TUBB4A: variants seen among roughly 807,000 people sequenced by gnomAD.
TUBB4A encodes tubulin beta-4A chain.
Under a neutral mutation model 35.1 loss-of-function variants are expected in TUBB4A, and 13 were observed. The ratio of observed to expected loss-of-function variants is 0.37; its 90% CI spans 0.24 to 0.59. The LOEUF is 0.59. TUBB4A is among the 20% of genes least tolerant of loss of function. The probability of loss-of-function intolerance (pLI) is 0.71; values close to 1 mark genes in which losing one functional copy is unlikely to be tolerated. For synonymous variants in TUBB4A, 279 were observed against 272.4 expected (o/e 1.02, Z -0.24); for missense variants, 299 against 647.2 (o/e 0.46, Z 5.84).
chr19:6,494,914 G>T lies in TUBB4A; in HGVS notation c.*250C>A. 1.7e-6 allele frequency: 1 copy of T among 586,974 alleles called. No individual in the cohort carries two copies. Among genetic ancestry groups the T allele is most frequent in the Non-Finnish European group, 3.0e-6 (1 of 331,496 alleles). 36.4% of individuals were successfully genotyped at this position (586,974 alleles called of 1,614,324 possible). A position where few individuals can be genotyped will look rare whatever the true frequency, so the allele number is the denominator to read the frequency against. On this transcript the variant is annotated 3_prime_UTR_variant, in exon 4 of 4. Transcript: ENST00000264071. ...TGCGGTTTCCAGAGTCAGAAGGGGT[G>T]AAGCGGGGCTCCTCCTGGGAATGTC...
At chr19:6,497,045 ATATATATATATATATATAT>A (rs1358913758) in intron 3 of TUBB4A, among the ~76,000 whole-genome samples, 20 of 68,282 alleles carry the variant, frequency 2.9e-4, no homozygotes, top group Non-Finnish European at 4.8e-4. Context: ...ATATATATAT[ATATATATATATATATATAT>A]AAATTAGCCA....
rs745756691 is a variant in TUBB4A, at chr19:6,495,286, C to G, written c.1213G>C (p.Glu405Gln). The G allele has an allele frequency of 6.2e-7, 1 of 1,613,802 alleles. No homozygotes were observed. Among genetic ancestry groups the G allele is most frequent in the Non-Finnish European group, 8.5e-7 (1 of 1,179,884 alleles). The change falls in exon 4 of 4, where the codon GAG becomes CAG. Residue 405 changes from glutamate (E) to glutamine (Q), a missense_variant. Around this residue, in one of 5 missense-constraint regions of TUBB4A, gnomAD observed 125 missense variants for 279.1 expected, o/e 0.45. Transcript: ENST00000264071. This position sits in a 1 kb window ranked among gnomAD's most constrained non-coding sequence, Gnocchi z 8.7. ...LHWYTGEGMDEMEFTEAESNM... is the reference protein window; with the variant it reads ...LHWYTGEGMDQMEFTEAESNM... ...CTCTCGGCCTCGGTGAACTCCATCT[C>G]GTCCATGCCCTCGCCCGTGTACCAG...
intron 3 of TUBB4A, among the ~76,000 whole-genome samples, chr19:6,498,028 G>T (rs1470628392): frequency 6.6e-6 from 1 of 151,346 alleles, no homozygotes; most frequent in South Asian, 2.1e-4. Flanking sequence ...CGGCTAACAC[G>T]GTGAAACCCC....
chr19:6,501,490 C>T lies in TUBB4A; in HGVS notation c.166+25G>A. Reference sequence around the variant, plus strand: ...TTCCCTCCCAGCTGCCCCTTCCCACCTGGAAGGTGCCTCCTTCGCCCTACC... The same window carrying T: ...TTCCCTCCCAGCTGCCCCTTCCCACTTGGAAGGTGCCTCCTTCGCCCTACC... On this transcript the variant is annotated intron_variant, in intron 2 of 3. Transcript: ENST00000264071. This position sits in a 1 kb window ranked among gnomAD's most constrained non-coding sequence, Gnocchi z 4.2. The T allele has an allele frequency of 1.2e-6, 2 of 1,609,228 alleles. No homozygotes were observed. The highest frequency in any genetic ancestry group is 1.7e-6 in the Non-Finnish European group (2 of 1,176,424).
chr19:6,502,448 C>T (rs751536416), upstream of TUBB4A: 110 of 495,834 alleles, frequency 2.2e-4, no homozygotes, highest in African/African-American at 2.0e-3. Flanking sequence ...AGGGACCTCC[C>T]TCCCCAGGGG....
At position 6,495,099 on chromosome 19, in the gene TUBB4A, TG is replaced by T. The variant is rs1366664800; in HGVS notation, c.*64del. On this transcript the variant is annotated 3_prime_UTR_variant, in exon 4 of 4. Transcript: ENST00000264071. This position sits in a 1 kb window ranked among gnomAD's most constrained non-coding sequence, Gnocchi z 8.7. ...AAAGCGGGGCTCTAGGGTTCAGAGA[TG>T]GGGGGCCTAGCGGATCAAAGGTCAG... 27 of 1,577,056 alleles carry T rather than the reference TG, an allele frequency of 1.7e-5. No individual in the cohort carries two copies. Among genetic ancestry groups the T allele is most frequent in the Non-Finnish European group, 2.2e-5 (26 of 1,156,764 alleles).
At chr19:6,497,024 AATATATATATATATATATATATAT>A (rs1192524805) in intron 3 of TUBB4A, among the ~76,000 whole-genome samples, 345 of 21,996 alleles carry the variant, frequency 0.016, 11 homozygotes, top group African/African-American at 0.059. Flanking sequence ...AAAAAAAAAA[AATATATATATATATATATATATAT>A]ATATATATAT....
chr19:6,497,045 AT>A, intron 3 of TUBB4A, among the ~76,000 whole-genome samples: 2 of 68,284 alleles, frequency 2.9e-5, no homozygotes, highest in Non-Finnish European at 6.0e-5. Flanking sequence ...ATATATATAT[AT>A]ATATATATAT....
rs1914548785 is a variant in TUBB4A, at chr19:6,501,864, G to A, written c.58-241C>T. 1 of 585,100 alleles carries A rather than the reference G, an allele frequency of 1.7e-6. No individual in the cohort carries two copies. The allele number at this position is 585,100 out of a possible 1,614,324, so 36.2% of individuals were successfully genotyped here. A position where few individuals can be genotyped will look rare whatever the true frequency, so the allele number is the denominator to read the frequency against. ...TGCCAGCGCACCCAGGCTGCAGCCC[G>A]GGGGAGGCACCGGGGCTCTTTGTGC... On this transcript the variant is annotated intron_variant, in intron 1 of 3. Transcript: ENST00000264071. The surrounding 1 kb of genome is among the most constrained non-coding windows in gnomAD (Gnocchi z 4.2).
At chr19:6,502,070 TC>T in intron 1 of TUBB4A, 85 bp downstream of exon 1, 1 of 1,406,730 alleles carries the variant, frequency 7.1e-7, no homozygotes, top group Non-Finnish European at 9.4e-7. Context: ...TTCCAAAGAC[TC>T]CCAGGTTGCG....
chr19:6,502,507 G>A (rs1372685344), upstream of TUBB4A: 2 of 408,236 alleles, frequency 4.9e-6, no homozygotes, highest in Non-Finnish European at 8.7e-6. Flanking sequence ...CCTGCCTTGG[G>A]GGTGAGGCCC....
Position 6,502,260 on chromosome 19 carries a change from G to T in TUBB4A, c.-48C>A. Reference sequence around the variant, plus strand: ...GCGGCGGCGGTGGCACGAGCGCGGGGAGCTGCGGCGGCGGCGAGGGTGGAA... The same window carrying T: ...GCGGCGGCGGTGGCACGAGCGCGGGTAGCTGCGGCGGCGGCGAGGGTGGAA... On this transcript the variant is annotated 5_prime_UTR_variant, in exon 1 of 4. Transcript: ENST00000264071. The T allele has an allele frequency of 6.8e-7, 1 of 1,477,940 alleles. No individual in the cohort carries two copies. The highest frequency in any genetic ancestry group is 8.9e-7 in the Non-Finnish European group (1 of 1,122,654). 91.6% of individuals were successfully genotyped at this position (1,477,940 alleles called of 1,614,324 possible). A position where few individuals can be genotyped will look rare whatever the true frequency, so the allele number is the denominator to read the frequency against.
upstream of TUBB4A, chr19:6,502,355 C>T: frequency 1.1e-6 from 1 of 913,276 alleles, no homozygotes; most frequent in Non-Finnish European, 1.5e-6. Context: ...GCGGGGCACG[C>T]GTCACGGCCG....
intron 3 of TUBB4A, among the ~76,000 whole-genome samples, chr19:6,499,709 T>C (rs1351476806): frequency 6.6e-6 from 1 of 152,178 alleles, no homozygotes; most frequent in East Asian, 1.9e-4. Flanking sequence ...CAGATAGTAA[T>C]GAAAACAACG....
At chr19:6,502,428 G>T (rs1390396039), upstream of TUBB4A, 3 of 542,880 alleles carry the variant, frequency 5.5e-6, no homozygotes, top group South Asian at 5.5e-5. Flanking sequence ...GGGGTGGGGG[G>T]AGGTGGTGCA....
At chr19:6,497,608 G>A (rs2145251404) in intron 3 of TUBB4A, among the ~76,000 whole-genome samples, 1 of 152,030 alleles carries the variant, frequency 6.6e-6, no homozygotes, top group Non-Finnish European at 1.5e-5. Context: ...CAAGCTCACT[G>A]TGGAATGCAA....
At chr19:6,497,137 A>G (rs1230324838) in intron 3 of TUBB4A, among the ~76,000 whole-genome samples, 4 of 140,070 alleles carry the variant, frequency 2.9e-5, no homozygotes, top group African/African-American at 1.1e-4. Flanking sequence ...AGATTGCTTG[A>G]GCCCAGGAGT....
chr19:6,495,115 T>C lies in TUBB4A; in HGVS notation c.*49A>G, dbSNP rs1435053405. 2 of 1,601,168 alleles carry C rather than the reference T, an allele frequency of 1.2e-6. No homozygotes were observed. The highest frequency in any genetic ancestry group is 8.5e-7 in the Non-Finnish European group (1 of 1,172,170). ...GTTCAGAGATGGGGGGCCTAGCGGA[T>C]CAAAGGTCAGAAGCCTCGAGGGGAC... On this transcript the variant is annotated 3_prime_UTR_variant, in exon 4 of 4. Coordinates refer to ENST00000264071, the MANE Select transcript of TUBB4A (RefSeq NM_006087.4). This position sits in a 1 kb window ranked among gnomAD's most constrained non-coding sequence, Gnocchi z 8.7.
In TUBB4A at chr19:6,495,647, C is replaced by G. The variant is rs907441629; in HGVS notation, c.852G>C (p.Leu284=). The G allele has an allele frequency of 6.2e-7, 1 of 1,614,074 alleles. No homozygotes were observed. The highest frequency in any genetic ancestry group is 1.7e-5 in the Admixed American group (1 of 60,024). Residue 284 remains leucine (L), a synonymous_variant, in exon 4 of 4, where the codon CTG becomes CTC. Transcript: ENST00000264071. The surrounding 1 kb of genome is among the most constrained non-coding windows in gnomAD (Gnocchi z 8.7). ...TCTGCTGGGTGAGCTCGGGCACCGT[C>G]AGGGCCCGGTACTGCTGGCTGCCCC... ...TSRGSQQYRA[L]TVPELTQQMF...
Sources: allele counts gnomAD v4.1 joint callset (sites outside exome capture counted in the v4.1 genomes callset), GRCh38; gene constraint gnomAD v4.1.1; regional missense constraint gnomAD v4.1.1; non-coding constraint Gnocchi (gnomAD v3.1); transcripts MANE v1.5; gene names NCBI Gene and HGNC (gene_info 2026-07-23, HGNC 2026-07-21).